The following ZDHHC14 variants were observed in gnomAD, a reference collection of about 807,000 sequenced individuals.
The protein encoded by ZDHHC14 is zDHHC palmitoyltransferase 14.
Under a neutral mutation model 47.7 loss-of-function variants are expected in ZDHHC14, and 16 were observed. The observed-to-expected ratio is 0.34, with a 90% CI of 0.23 to 0.51. The LOEUF (loss-of-function observed/expected upper bound fraction) is 0.51. Ranked by LOEUF, ZDHHC14 falls within the 20% of genes least tolerant of loss-of-function variation. The pLI is 0.97. For missense variants in ZDHHC14, 515 were observed against 662.5 expected (o/e 0.78, Z 2.44); for synonymous variants, 293 against 278.9 (o/e 1.05, Z -0.50).
chr6:157,451,859 A>G (rs1375058506), intron 1 of ZDHHC14, among the ~76,000 whole-genome samples: 2 of 152,150 alleles, frequency 1.3e-5, no homozygotes, highest in African/African-American at 4.8e-5. Context: ...TGCGCTCAGC[A>G]TCTTGAATAT....
At chr6:157,597,849 T>C (rs1784192907) in intron 3 of ZDHHC14, among the ~76,000 whole-genome samples, 1 of 152,262 alleles carries the variant, frequency 6.6e-6, no homozygotes, top group African/African-American at 2.4e-5. Context: ...CTGTCATTTT[T>C]GGTGTGGGTG....
In ZDHHC14 at chr6:157,645,933, A is replaced by G. The variant is rs763663446; in HGVS notation, c.855+94A>G. The G allele has an allele frequency of 2.5e-4, 272 of 1,096,232 alleles. 2 individuals carry two copies. The highest frequency in any genetic ancestry group is 3.2e-4 in the Non-Finnish European group (239 of 747,910). 67.9% of individuals were successfully genotyped at this position (1,096,232 alleles called of 1,614,324 possible). The stretch of plus-strand genomic sequence containing the variant: ...GAAAAGGTTGAGCCCAGCTTTTCCC[A>G]TACATCCCGTTCCAGATGTGAGCCC... On this transcript the variant is annotated intron_variant, in intron 6 of 8. Transcript: ENST00000359775.
At chr6:157,414,077 C>T (rs1248903917) in intron 1 of ZDHHC14, among the ~76,000 whole-genome samples, 1 of 152,156 alleles carries the variant, frequency 6.6e-6, no homozygotes, top group East Asian at 1.9e-4. Flanking sequence ...GCTGGGATTA[C>T]AGGCATACCA....
chr6:157,495,447 G>A (rs1780037173), intron 1 of ZDHHC14, among the ~76,000 whole-genome samples: 1 of 152,134 alleles, frequency 6.6e-6, no homozygotes, highest in Non-Finnish European at 1.5e-5. Context: ...CATGTATCAT[G>A]GATGCCTATA....
At position 157,653,559 on chromosome 6, in the gene ZDHHC14, A is replaced by T; in HGVS notation, c.1000A>T (p.Thr334Ser). ...IDRRGYIQPD[T>S]PQPAAPSNGI... ...CAGAAGAGGGTACATCCAGCCCGAC[A>T]CGCCGCAGCCAGCAGCACCCTCCAA... The change falls in exon 8 of 9, where the codon ACG becomes TCG. Residue 334 changes from threonine to serine, a missense_variant. Physicochemically the swap from Thr to Ser is moderately conservative, Grantham distance 58. Transcript: ENST00000359775. 1 of 1,613,936 alleles carries T rather than the reference A, an allele frequency of 6.2e-7. No homozygotes were observed. Among genetic ancestry groups the T allele is most frequent in the Non-Finnish European group, 8.5e-7 (1 of 1,179,976 alleles).
At chr6:157,653,479 G>A in intron 7 of ZDHHC14, 46 bp from the exon 8 acceptor site, 5 of 1,603,890 alleles carry the variant, frequency 3.1e-6, no homozygotes, top group Non-Finnish European at 4.3e-6. Flanking sequence ...TGCATCTCTG[G>A]CTTTTTATTC....
intron 2 of ZDHHC14, among the ~76,000 whole-genome samples, chr6:157,554,971 C>T (rs1225473965): frequency 2.0e-5 from 3 of 152,202 alleles, no homozygotes; most frequent in African/African-American, 7.2e-5. Flanking sequence ...AATCCTGCCA[C>T]CCGAAGTGGG....
chr6:157,607,023 C>A (rs538640544), intron 3 of ZDHHC14, among the ~76,000 whole-genome samples: 11 of 144,956 alleles, frequency 7.6e-5, no homozygotes, highest in East Asian at 4.1e-4. Flanking sequence ...AGATGATAAA[C>A]CATAGATCTT....
intron 5 of ZDHHC14, among the ~76,000 whole-genome samples, chr6:157,644,278 G>A (rs113522690): frequency 0.024 from 3,696 of 152,292 alleles, 118 homozygotes; most frequent in African/African-American, 0.074. Context: ...CTTTAGCCCC[G>A]TTCTGTGGGA....
rs1342943933 is a variant in ZDHHC14 at position 157,593,044 on chromosome 6, G to A, written c.463G>A (p.Val155Ile). ...GYRPPPRTKE[V>I]IINGQTVKLK... is the part of the protein sequence containing the mutation. ...CCGCCCGCCTCCCAGAACCAAAGAA[G>A]TCATCATCAATGGCCAGACCGTGAA... Residue 155 changes from valine to isoleucine, a missense_variant, in exon 3 of 9, where the codon GTC becomes ATC. This residue lies in a region of ZDHHC14 where 229 missense variants were observed against 351.5 expected (regional missense o/e 0.65). Transcript: ENST00000359775. The A allele has an allele frequency of 1.2e-6, 2 of 1,614,074 alleles. No individual in the cohort carries two copies. The highest frequency in any genetic ancestry group is 1.7e-6 in the Non-Finnish European group (2 of 1,180,030).
intron 1 of ZDHHC14, among the ~76,000 whole-genome samples, chr6:157,464,916 G>A (rs1320960473): frequency 2.6e-5 from 4 of 152,148 alleles, no homozygotes; most frequent in East Asian, 3.8e-4. Context: ...CTTCGTCGCA[G>A]CAGGGTGGTC....
At chr6:157,454,923 T>A (rs1374019045) in intron 1 of ZDHHC14, among the ~76,000 whole-genome samples, 1 of 152,184 alleles carries the variant, frequency 6.6e-6, no homozygotes, top group African/African-American at 2.4e-5. Flanking sequence ...CCAGAAAGCA[T>A]CCTTTTGTGA....
intron 1 of ZDHHC14, among the ~76,000 whole-genome samples, chr6:157,450,109 C>G (rs1410271142): frequency 2.6e-5 from 4 of 151,694 alleles, no homozygotes; most frequent in African/African-American, 9.7e-5. Flanking sequence ...GTATCTGCCA[C>G]CTGTCTAATC....
intron 1 of ZDHHC14, among the ~76,000 whole-genome samples, chr6:157,532,674 A>T (rs1401279417): frequency 6.6e-6 from 1 of 152,208 alleles, no homozygotes; most frequent in Non-Finnish European, 1.5e-5. Context: ...TTGGGTACAG[A>T]CCAGAGCTGA....
chr6:157,462,121 T>G (rs1011121963), intron 1 of ZDHHC14, among the ~76,000 whole-genome samples: 1 of 152,182 alleles, frequency 6.6e-6, no homozygotes, highest in African/African-American at 2.4e-5. Flanking sequence ...TGAGCTTATT[T>G]ATAGTTTCAG....
intron 8 of ZDHHC14, among the ~76,000 whole-genome samples, chr6:157,655,838 A>T (rs1778062370): frequency 6.6e-6 from 1 of 152,042 alleles, no homozygotes; most frequent in African/African-American, 2.4e-5. Context: ...TTACCCTGTG[A>T]CCCCCATAAT....
intron 3 of ZDHHC14, among the ~76,000 whole-genome samples, chr6:157,608,935 C>T (rs1315123813): frequency 1.3e-5 from 2 of 152,130 alleles, no homozygotes; most frequent in Non-Finnish European, 2.9e-5. Flanking sequence ...AAAATTTCAG[C>T]CAAAGAACTG....
chr6:157,617,830 T>A (rs142732384), intron 3 of ZDHHC14, among the ~76,000 whole-genome samples: 4,983 of 152,280 alleles, frequency 0.033, 294 homozygotes, highest in African/African-American at 0.11. Flanking sequence ...ATTCCATTTC[T>A]CTCCAAGCTG....
intron 3 of ZDHHC14, among the ~76,000 whole-genome samples, chr6:157,595,048 T>A (rs186065754): frequency 2.6e-5 from 4 of 152,298 alleles, no homozygotes; most frequent in Non-Finnish European, 4.4e-5. Context: ...AGGGTGTTGT[T>A]ATCTGTAAAA....
Sources: allele counts gnomAD v4.1 joint callset (sites outside exome capture counted in the v4.1 genomes callset), GRCh38; gene constraint gnomAD v4.1.1; regional missense constraint gnomAD v4.1.1; transcripts MANE v1.5; gene names NCBI Gene and HGNC (gene_info 2026-07-23, HGNC 2026-07-21).